The following RBFOX1 variants were observed in gnomAD, a reference collection of about 807,000 sequenced individuals.
RBFOX1 encodes RNA binding fox-1 homolog 1.
Under a neutral mutation model 57.7 loss-of-function variants are expected in RBFOX1, and 8 were observed. The observed-to-expected ratio is 0.14, with a 90% CI of 0.08 to 0.25. The LOEUF (loss-of-function observed/expected upper bound fraction) is 0.25, where lower values mean the gene tolerates loss of function less well. Ranked by LOEUF, RBFOX1 falls within the 10% of genes least tolerant of loss-of-function variation. The pLI is 1.00. For synonymous variants in RBFOX1, 326 were observed against 222.4 expected (o/e 1.47, Z -4.15); for missense variants, 611 against 548.5 (o/e 1.11, Z -1.14).
intron 3 of RBFOX1, among the ~76,000 whole-genome samples, chr16:5,862,629 C>T (rs2057250182): frequency 6.6e-6 from 1 of 152,212 alleles, no homozygotes; most frequent in East Asian, 1.9e-4. Context: ...GTTCAGTTTA[C>T]AGCTCTACTG....
At chr16:6,487,702 TA>T (rs2095532745) in intron 2 of RBFOX1, among the ~76,000 whole-genome samples, 2 of 6,440 alleles carry the variant, frequency 3.1e-4, no homozygotes, top group African/African-American at 5.5e-4. Context: ...AAAAAAAAAA[TA>T]TATATATATA....
chr16:5,544,189 G>C (rs947189143), intron 2 of RBFOX1, among the ~76,000 whole-genome samples: 1 of 152,138 alleles, frequency 6.6e-6, no homozygotes, highest in Non-Finnish European at 1.5e-5. Context: ...CATTAAACCA[G>C]TCTCAATAAT....
At chr16:5,570,556 C>T (rs968504044) in intron 2 of RBFOX1, among the ~76,000 whole-genome samples, 14 of 152,086 alleles carry the variant, frequency 9.2e-5, no homozygotes, top group Admixed American at 1.3e-4. Context: ...ACAAGCATTT[C>T]GGGTTGGATG....
chr16:7,017,850 T>G (rs1458278213), intron 3 of RBFOX1, among the ~76,000 whole-genome samples: 2 of 152,180 alleles, frequency 1.3e-5, no homozygotes, highest in East Asian at 3.9e-4. Flanking sequence ...TGTGCATTCA[T>G]TCATTCAGAG....
At chr16:6,532,919 C>G (rs1446360778) in intron 2 of RBFOX1, among the ~76,000 whole-genome samples, 2 of 152,194 alleles carry the variant, frequency 1.3e-5, no homozygotes, top group African/African-American at 2.4e-5. Flanking sequence ...ACTGGTCACT[C>G]TCCTCTCACT....
intron 1 of RBFOX1, among the ~76,000 whole-genome samples, chr16:5,327,712 C>G (rs573010227): frequency 6.6e-6 from 1 of 152,212 alleles, no homozygotes; most frequent in African/African-American, 2.4e-5. Flanking sequence ...TCCCTGGCCT[C>G]AGCAGTGAGC....
intron 4 of RBFOX1, among the ~76,000 whole-genome samples, chr16:7,440,522 T>A (rs2098757868): frequency 6.6e-6 from 1 of 152,134 alleles, no homozygotes; most frequent in Non-Finnish European, 1.5e-5. Context: ...AGGCGGCATT[T>A]GAGCTGGGTC....
At chr16:6,626,820 C>G (rs989454146) in intron 2 of RBFOX1, among the ~76,000 whole-genome samples, 1 of 152,048 alleles carries the variant, frequency 6.6e-6, no homozygotes, top group Non-Finnish European at 1.5e-5. Flanking sequence ...CAGTTTATCA[C>G]CAGTGAGGCT....
In RBFOX1 at chr16:7,273,220, T is replaced by TCCTTCCTTCCTTCCTC. The variant is rs1567985764; in HGVS notation, c.27+221137_27+221138insCCCTTCCTTCCTTCCT. 7.5e-4 allele frequency among the ~76,000 whole-genome samples: 92 copies of TCCTTCCTTCCTTCCTC among 123,138 alleles called. 2 individuals carry two copies. The highest frequency in any genetic ancestry group is 1.4e-3 in the South Asian group (4 of 2,930). The allele number at this position is 123,138 out of a possible 152,430, so 80.8% of individuals were successfully genotyped here. A position where few individuals can be genotyped will look rare whatever the true frequency, so the allele number is the denominator to read the frequency against. On this transcript the variant is annotated intron_variant, in intron 4 of 15. Coordinates refer to ENST00000550418, the MANE Select transcript of RBFOX1 (RefSeq NM_018723.4). ...TTCCTCCCTCCCTTCCTTCCTTCCT[T>TCCTTCCTTCCTTCCTC]CCTTCCTTCCTTCCTTCCTTCCTTC... is the stretch of plus-strand genomic sequence containing the variant.
At position 7,260,534 on chromosome 16, in the gene RBFOX1, C is replaced by T. The variant is rs182293876; in HGVS notation, c.27+208436C>T. ...TTAACTGCTTCTAGTCTCCCTGGAC[C>T]TCCAAGGCTGCATCTTCAGGGAATA... On this transcript the variant is annotated intron_variant, in intron 4 of 15. Coordinates refer to ENST00000550418, the MANE Select transcript of RBFOX1 (RefSeq NM_018723.4). 3.9e-5 allele frequency among the ~76,000 whole-genome samples: 6 copies of T among 152,236 alleles called. No homozygotes were observed. The South Asian group carries it at 8.3e-4, about 21-fold the overall frequency.
At chr16:6,111,279 A>C (rs2096443728) in intron 1 of RBFOX1, among the ~76,000 whole-genome samples, 1 of 152,232 alleles carries the variant, frequency 6.6e-6, no homozygotes, top group Non-Finnish European at 1.5e-5. Context: ...TACAGGTCTC[A>C]TATCAGCCTT....
chr16:6,073,453 G>A lies in RBFOX1; in HGVS notation c.-127+53461G>A, dbSNP rs193020158. Among the ~76,000 whole-genome samples, 335 of 152,248 alleles carry A rather than the reference G, an allele frequency of 2.2e-3. 3 individuals carry two copies. Among genetic ancestry groups the A allele is most frequent in the Non-Finnish European group, 1.4e-3 (97 of 68,018 alleles). On this transcript the variant is annotated intron_variant, in intron 1 of 15. Transcript: ENST00000550418. Reference sequence around the variant, plus strand: ...GGCATTTGGGAACTGAAAAACCAAGGAAGTTCATTACTGCTATTATTATTT... The same window carrying A: ...GGCATTTGGGAACTGAAAAACCAAGAAAGTTCATTACTGCTATTATTATTT...
chr16:7,099,563 T>C (rs1270198164), intron 4 of RBFOX1, among the ~76,000 whole-genome samples: 1 of 152,150 alleles, frequency 6.6e-6, no homozygotes, highest in Non-Finnish European at 1.5e-5. Context: ...GTTATTTTGC[T>C]GAGGTTAAGG....
At chr16:6,523,198 A>C (rs1211512119) in intron 2 of RBFOX1, among the ~76,000 whole-genome samples, 2 of 152,118 alleles carry the variant, frequency 1.3e-5, no homozygotes, top group African/African-American at 2.4e-5. Flanking sequence ...TCTTCTCAGC[A>C]TGCAGAGGAA....
rs147511712 is a variant in RBFOX1, at chr16:7,101,981, T to A, written c.27+49883T>A. On this transcript the variant is annotated intron_variant, in intron 4 of 15. Transcript: ENST00000550418. ...TACCACAAGCCTAGTGCTGTATCCA[T>A]CCAGAGACAAGGGTGCCGTTTTCCT... Among the ~76,000 whole-genome samples, 17 of 152,284 alleles carry A rather than the reference T, an allele frequency of 1.1e-4. No individual in the cohort carries two copies. In the East Asian group the frequency reaches 3.3e-3, roughly 29 times the overall value.
chr16:7,029,775 A>G (rs2042316313), intron 3 of RBFOX1, among the ~76,000 whole-genome samples: 1 of 152,182 alleles, frequency 6.6e-6, no homozygotes, highest in Admixed American at 6.5e-5. Flanking sequence ...TTAAAGTCCC[A>G]TGTGATCTGA....
chr16:7,050,385 C>G (rs2049620025), intron 3 of RBFOX1, among the ~76,000 whole-genome samples: 3 of 151,590 alleles, frequency 2.0e-5, no homozygotes, highest in African/African-American at 4.8e-5. Flanking sequence ...CCTGCTTCAG[C>G]CAACTGAGTA....
At chr16:7,208,687 A>G (rs1027839210) in intron 4 of RBFOX1, among the ~76,000 whole-genome samples, 1 of 152,152 alleles carries the variant, frequency 6.6e-6, no homozygotes, top group Non-Finnish European at 1.5e-5. Context: ...AATTAAAAAG[A>G]TTAGCTGGGC....
At chr16:7,116,419 G>A (rs900831100) in intron 4 of RBFOX1, among the ~76,000 whole-genome samples, 1 of 152,102 alleles carries the variant, frequency 6.6e-6, no homozygotes, top group Non-Finnish European at 1.5e-5. Flanking sequence ...CAATATTGCA[G>A]TGAAATGCAC....
Sources: gnomAD v4.1 joint callset for allele counts (sites outside exome capture counted in the v4.1 genomes callset) on GRCh38, gnomAD v4.1.1 for gene constraint, MANE v1.5 for transcripts, NCBI Gene and HGNC (gene_info 2026-07-23, HGNC 2026-07-21) for gene names.